NBAS: variants seen among roughly 807,000 people sequenced by gnomAD.
NBAS encodes the protein NBAS subunit of NRZ tethering complex, also known as NAG/BC035112 fusion.
NBAS carries 219 observed loss-of-function variants against 302.5 expected under a neutral mutation model. The ratio of observed to expected loss-of-function variants is 0.72; its 90% CI spans 0.65 to 0.81. The LOEUF is 0.81. Among genes scored for constraint, NBAS ranks in the 30% least tolerant of loss-of-function variants. The pLI is 0.00. For missense variants in NBAS, 2,932 were observed against 2,841.6 expected (o/e 1.03, Z -0.72); for synonymous variants, 1,118 against 1,021.6 (o/e 1.09, Z -1.80).
chr2:15,462,973 G>A (rs11676198), intron 19 of NBAS, among the ~76,000 whole-genome samples: 86,662 of 152,060 alleles, frequency 0.57, 26,301 homozygotes, highest in Non-Finnish European at 0.68. Context: ...AAGAAGAAAA[G>A]TATTTCACAG....
In NBAS at chr2:15,511,308, C is replaced by T. The variant is rs1558401294; in HGVS notation, c.789G>A (p.Met263Ile). ...AAAGGCCACAGCTAGAAGCTTTTGA[C>T]ATGCCTACTTCAGCAGTTTCACATC... ...VGGCETAEVGMSKASSCGLSA... is the reference protein window; with the variant it reads ...VGGCETAEVGISKASSCGLSA... Residue 263 changes from methionine (M) to isoleucine (I), a missense_variant, in exon 10 of 52, where the codon ATG becomes ATA. By Grantham distance (10) the Met-to-Ile change is conservative. Coordinates refer to ENST00000281513, the MANE Select transcript of NBAS (RefSeq NM_015909.4). 9 of 1,614,068 alleles carry T rather than the reference C, an allele frequency of 5.6e-6. No individual in the cohort carries two copies. Among genetic ancestry groups the T allele is most frequent in the East Asian group, 2.2e-5 (1 of 44,864 alleles).
chr2:15,372,273 C>A (rs1674523514), intron 31 of NBAS, among the ~76,000 whole-genome samples: 1 of 152,156 alleles, frequency 6.6e-6, no homozygotes, highest in African/African-American at 2.4e-5. Flanking sequence ...CATATACACA[C>A]ACAAAAATAT....
At position 15,558,607 on chromosome 2, in the gene NBAS, A is replaced by T; in HGVS notation, c.145T>A (p.Ser49Thr). The change falls in exon 2 of 52, where the codon TCC becomes ACC. Residue 49 changes from serine to threonine, a missense_variant. Physicochemically the swap from Ser to Thr is moderately conservative, Grantham distance 58. Transcript: ENST00000281513. ...QPRGNQKHGA[S>T]FIITKAIRDR... ...CGAATTGCTTTCGTGATGATAAAGG[A>T]TGCACCATGTTTTTGGTTGCCTCTA... is the stretch of plus-strand genomic sequence containing the variant. 6.2e-7 allele frequency: 1 copy of T among 1,613,130 alleles called. No individual in the cohort carries two copies. Among genetic ancestry groups the T allele is most frequent in the South Asian group, 1.1e-5 (1 of 90,814 alleles).
chr2:15,178,746 T>C (rs1471441124), intron 51 of NBAS, among the ~76,000 whole-genome samples: 1 of 152,164 alleles, frequency 6.6e-6, no homozygotes, highest in Non-Finnish European at 1.5e-5. Context: ...TCTTCTTATT[T>C]GGATTTGTAT....
chr2:15,331,119 A>G (rs1290367611), intron 35 of NBAS, among the ~76,000 whole-genome samples: 1 of 152,232 alleles, frequency 6.6e-6, no homozygotes, highest in Non-Finnish European at 1.5e-5. Flanking sequence ...TTGACAATAC[A>G]TTTTGAAGTA....
chr2:15,404,767 G>C (rs902252680), intron 25 of NBAS, among the ~76,000 whole-genome samples: 6 of 151,798 alleles, frequency 4.0e-5, no homozygotes, highest in Middle Eastern at 3.4e-3. Flanking sequence ...CCCACCTCAG[G>C]CTCCCAAAAT....
At chr2:15,012,502 A>G in the NBAS span, among the ~76,000 whole-genome samples, 1 of 152,208 alleles carries the variant, frequency 6.6e-6, no homozygotes, top group Admixed American at 6.5e-5. Flanking sequence ...ATGACAGCTA[A>G]AAACATTCTA....
the NBAS span, among the ~76,000 whole-genome samples, chr2:14,836,020 A>C: frequency 1.3e-5 from 2 of 151,942 alleles, no homozygotes; most frequent in Non-Finnish European, 2.9e-5. Context: ...GTGTATAGGG[A>C]TATCACTGTG....
intron 44 of NBAS, among the ~76,000 whole-genome samples, chr2:15,269,527 G>C (rs1021030303): frequency 6.6e-6 from 1 of 152,132 alleles, no homozygotes; most frequent in African/African-American, 2.4e-5. Context: ...GAACTTTCAA[G>C]CAAAAATTCA....
intron 25 of NBAS, among the ~76,000 whole-genome samples, chr2:15,403,500 T>C (rs745736995): frequency 2.0e-5 from 3 of 152,168 alleles, no homozygotes; most frequent in Non-Finnish European, 2.9e-5. Context: ...CAATATAGTA[T>C]AAAAACTATT....
intron 32 of NBAS, among the ~76,000 whole-genome samples, chr2:15,364,968 C>A (rs1404940030): frequency 6.6e-6 from 1 of 152,078 alleles, no homozygotes; most frequent in Non-Finnish European, 1.5e-5. Context: ...AGGTAAAGGC[C>A]ACCTATGATA....
the NBAS span, among the ~76,000 whole-genome samples, chr2:14,843,557 GACACAC>G: frequency 1.4e-5 from 2 of 147,118 alleles, no homozygotes; most frequent in Middle Eastern, 3.5e-3. Flanking sequence ...TACAGACACA[GACACAC>G]ACACACACAC....
intron 6 of NBAS, among the ~76,000 whole-genome samples, chr2:15,549,489 GAGGCCAA>G (rs1229632247): frequency 6.6e-6 from 1 of 152,106 alleles, no homozygotes; most frequent in Non-Finnish European, 1.5e-5. Context: ...AGCACTTTGG[GAGGCCAA>G]GGCGGGAGGA....
chr2:14,902,672 A>G, the NBAS span, among the ~76,000 whole-genome samples: 1 of 152,184 alleles, frequency 6.6e-6, no homozygotes, highest in Non-Finnish European at 1.5e-5. Flanking sequence ...CAAAATTATA[A>G]TCATCAACAC....
At chr2:14,849,341 T>A in the NBAS span, among the ~76,000 whole-genome samples, 1 of 151,044 alleles carries the variant, frequency 6.6e-6, no homozygotes, top group Non-Finnish European at 1.5e-5. Flanking sequence ...CAATGGAAGA[T>A]GAAATGAATG....
In NBAS at chr2:15,379,780, C is replaced by T. The variant is rs765272663; in HGVS notation, c.3412G>A (p.Ala1138Thr). 12 of 1,614,002 alleles carry T rather than the reference C, an allele frequency of 7.4e-6. No homozygotes were observed. The highest frequency in any genetic ancestry group is 1.0e-5 in the Non-Finnish European group (12 of 1,179,990). ...GCACTGCAGTGCATCATCTGTCCAGCCAGGTGGATGTTTTCAAGGCGACTA... is the reference window on the plus strand; with the variant it reads ...GCACTGCAGTGCATCATCTGTCCAGTCAGGTGGATGTTTTCAAGGCGACTA... Reference protein sequence around the residue: ...CSSRLENIHLAGQMMHCSACS... With the variant: ...CSSRLENIHLTGQMMHCSACS... The change falls in exon 30 of 52, where the codon GCT becomes ACT. Residue 1138 changes from alanine to threonine, a missense_variant. Coordinates refer to ENST00000281513, the MANE Select transcript of NBAS (RefSeq NM_015909.4).
At chr2:15,324,035 T>A (rs1671951382) in intron 38 of NBAS, among the ~76,000 whole-genome samples, 1 of 151,882 alleles carries the variant, frequency 6.6e-6, no homozygotes, top group Non-Finnish European at 1.5e-5. Context: ...AATTGTGAAA[T>A]CCTAATTGGA....
At chr2:15,121,700 T>C in the NBAS span, among the ~76,000 whole-genome samples, 712 of 151,654 alleles carry the variant, frequency 4.7e-3, 3 homozygotes, top group South Asian at 0.021. Context: ...TTTTATATCA[T>C]GTTACAGTTG....
the NBAS span, among the ~76,000 whole-genome samples, chr2:15,039,729 T>G: frequency 6.6e-6 from 1 of 152,176 alleles, no homozygotes; most frequent in Non-Finnish European, 1.5e-5. Context: ...CTGGCCCCAG[T>G]CTCAGCTCGG....
Sources: gnomAD v4.1 joint callset for allele counts (sites outside exome capture counted in the v4.1 genomes callset) on GRCh38, gnomAD v4.1.1 for gene constraint, MANE v1.5 for transcripts, NCBI Gene and HGNC (gene_info 2026-07-23, HGNC 2026-07-21) for gene names.